RPTOR: variants seen among roughly 807,000 people sequenced by gnomAD.
RPTOR encodes regulatory-associated protein of mTOR.
Under a neutral mutation model 169.9 loss-of-function variants are expected in RPTOR, and 21 were observed. The ratio of observed to expected loss-of-function variants is 0.12; its 90% CI spans 0.09 to 0.18. The LOEUF (loss-of-function observed/expected upper bound fraction) is 0.18, where lower values mean the gene tolerates loss of function less well. RPTOR is among the 10% of genes least tolerant of loss of function. The pLI, the probability that RPTOR is intolerant of heterozygous loss-of-function variation, is 1.00. For missense variants in RPTOR, 1,133 were observed against 1,855.9 expected, an observed-to-expected ratio of 0.61 and a Z score of 7.16; for synonymous variants, 732 against 753.2, an observed-to-expected ratio of 0.97 and a Z score of 0.46.
intron 4 of RPTOR, among the ~76,000 whole-genome samples, chr17:80,728,738 CT>C (rs145409785): frequency 0.054 from 8,009 of 147,784 alleles, 273 homozygotes; most frequent in Non-Finnish European, 0.08. Flanking sequence ...TGCTCTTGTG[CT>C]TTTTTTTTTC....
chr17:80,716,817 G>A (rs1020836655), intron 4 of RPTOR, among the ~76,000 whole-genome samples: 2 of 152,164 alleles, frequency 1.3e-5, no homozygotes, highest in African/African-American at 2.4e-5. Flanking sequence ...ACCATTTGTT[G>A]TAAAGGGTGT....
chr17:80,555,688 A>G (rs2084399161), intron 1 of RPTOR, among the ~76,000 whole-genome samples: 3 of 152,252 alleles, frequency 2.0e-5, no homozygotes, highest in African/African-American at 7.2e-5. Flanking sequence ...AATATTAAAT[A>G]AGTAAATCAT....
intron 7 of RPTOR, among the ~76,000 whole-genome samples, chr17:80,793,841 G>T (rs1249005800): frequency 1.3e-5 from 2 of 152,236 alleles, no homozygotes; most frequent in African/African-American, 4.8e-5. Context: ...TTATTTTACT[G>T]AGAGAGAACC....
chr17:80,874,733 C>T (rs973032578), intron 13 of RPTOR, among the ~76,000 whole-genome samples: 13 of 152,276 alleles, frequency 8.5e-5, no homozygotes, highest in East Asian at 1.9e-4. Context: ...ATTGTGAAAA[C>T]GCTGCACATA....
intron 7 of RPTOR, among the ~76,000 whole-genome samples, chr17:80,813,645 T>G (rs1475247681): frequency 1.3e-5 from 2 of 152,206 alleles, no homozygotes; most frequent in Admixed American, 1.3e-4. Flanking sequence ...TCAAAAGAAT[T>G]ATTTCAAAAA....
At position 80,651,143 on chromosome 17, in the gene RPTOR, A is replaced by T. The variant is rs1161990539; in HGVS notation, c.348+7333A>T. Among the ~76,000 whole-genome samples the T allele has an allele frequency of 6.6e-6, 1 of 152,172 alleles. No homozygotes were observed. Among genetic ancestry groups the T allele is most frequent in the East Asian group, 1.9e-4 (1 of 5,192 alleles). ...AACTTGGGGACCGTGATACAGAGCG[A>T]TGCGGAGATGGCTCTGAAGGACAGG... is the stretch of plus-strand genomic sequence containing the variant. On this transcript the variant is annotated intron_variant, in intron 3 of 33. Coordinates refer to ENST00000306801, the MANE Select transcript of RPTOR (RefSeq NM_020761.3). The surrounding 1 kb of genome is among the most constrained non-coding windows in gnomAD (Gnocchi z 4.1).
rs1459519525 is a variant in RPTOR at position 80,708,214 on chromosome 17, A to AGTGTGGTGC, written c.507+223_507+231dup. 1.3e-5 allele frequency among the ~76,000 whole-genome samples: 2 copies of AGTGTGGTGC among 152,192 alleles called. No homozygotes were observed. The highest frequency in any genetic ancestry group is 2.4e-5 in the African/African-American group (1 of 41,454). ...CGTGTTCATGGAATGACTGCCTTGA[A>AGTGTGGTGC]GTGTGGTGCGTGTGGTTTATGTTCC... On this transcript the variant is annotated intron_variant, in intron 4 of 33. Transcript: ENST00000306801. This position sits in a 1 kb window ranked among gnomAD's most constrained non-coding sequence, Gnocchi z 4.2.
chr17:80,804,812 G>A (rs1598317341), intron 7 of RPTOR: 1 of 152,294 alleles, frequency 6.6e-6, no homozygotes, highest in Admixed American at 6.5e-5. Context: ...GCGATTCTGA[G>A]GAAAGTGGCA....
rs1202966892 is a variant in RPTOR, at chr17:80,883,954, C to T, written c.1824C>T (p.Leu608=). Residue 608 remains leucine, a synonymous_variant, in exon 16 of 34, where the codon CTC becomes CTT. Coordinates refer to ENST00000306801, the MANE Select transcript of RPTOR (RefSeq NM_020761.3). ...DSAHEKLYSL[L]SDPIPEVRCA... ...CTCATGAGAAGCTCTACAGCCTCCT[C>T]TCCGACCCCATTCCCGAGGTGAGTC... The T allele has an allele frequency of 6.2e-7, 1 of 1,610,982 alleles. No homozygotes were observed. The highest frequency in any genetic ancestry group is 1.1e-5 in the South Asian group (1 of 91,034).
intron 9 of RPTOR, among the ~76,000 whole-genome samples, chr17:80,829,684 G>A (rs1262333331): frequency 2.0e-5 from 3 of 152,168 alleles, no homozygotes; most frequent in South Asian, 2.1e-4. Flanking sequence ...CGGCGTCCAC[G>A]GCGACTTGTG....
chr17:80,684,899 A>C (rs1427382453), intron 3 of RPTOR, among the ~76,000 whole-genome samples: 4 of 152,172 alleles, frequency 2.6e-5, no homozygotes, highest in African/African-American at 9.7e-5. Flanking sequence ...GCTGTATGGC[A>C]CTTCATTACG....
At chr17:80,915,367 G>A (rs34645492) in intron 21 of RPTOR, among the ~76,000 whole-genome samples, 2,529 of 31,880 alleles carry the variant, frequency 0.079, 170 homozygotes, top group East Asian at 0.1. Context: ...TCTCCTCTCT[G>A]CTGAGAGCTG....
Position 80,609,744 on chromosome 17 carries a change from CAAA to C in RPTOR, c.163-15935_163-15933del. 8.6e-6 allele frequency among the ~76,000 whole-genome samples: 1 copy of C among 116,558 alleles called. No individual in the cohort carries two copies. Among genetic ancestry groups the C allele is most frequent in the South Asian group, 2.8e-4 (1 of 3,624 alleles). The allele number at this position is 116,558 out of a possible 152,430, so 76.5% of individuals were successfully genotyped here. ...TGGGCGACAGAGCGAGATTCTGTCT[CAAA>C]AAAAAAAAAAAGTTTAAGGTGTTGG... On this transcript the variant is annotated intron_variant, in intron 1 of 33. Transcript: ENST00000306801. The surrounding 1 kb of genome is among the most constrained non-coding windows in gnomAD (Gnocchi z 4.8).
intron 23 of RPTOR, 45 bp downstream of exon 23, chr17:80,923,718 G>C (rs1196059598): frequency 6.7e-7 from 1 of 1,503,176 alleles, no homozygotes; most frequent in Non-Finnish European, 8.9e-7. Context: ...TGAGAGCGTT[G>C]CTTCTCAGAT....
At chr17:80,736,057 A>G (rs2066430766) in intron 5 of RPTOR, among the ~76,000 whole-genome samples, 1 of 152,076 alleles carries the variant, frequency 6.6e-6, no homozygotes, top group Admixed American at 6.6e-5. Flanking sequence ...GTGTCATCCC[A>G]GCTACTCTGG....
intron 9 of RPTOR, among the ~76,000 whole-genome samples, chr17:80,834,742 G>A (rs2067545227): frequency 6.6e-6 from 1 of 152,200 alleles, no homozygotes; most frequent in South Asian, 2.1e-4. Context: ...CCAAGCGAGG[G>A]CCTTGGAGAA....
intron 24 of RPTOR, among the ~76,000 whole-genome samples, chr17:80,934,662 G>T (rs2068935180): frequency 6.6e-6 from 1 of 152,126 alleles, no homozygotes; most frequent in Non-Finnish European, 1.5e-5. Context: ...CCAAGAAAAT[G>T]AGTTTTTAAC....
chr17:80,952,344 G>A (rs564648376), intron 28 of RPTOR, among the ~76,000 whole-genome samples: 53 of 152,330 alleles, frequency 3.5e-4, no homozygotes, highest in African/African-American at 1.1e-3. Context: ...AGGTGCTCAC[G>A]GAGGGCCCAC....
chr17:80,753,675 G>A (rs1236029609), intron 5 of RPTOR, among the ~76,000 whole-genome samples: 11 of 147,896 alleles, frequency 7.4e-5, no homozygotes, highest in African/African-American at 2.0e-4. Context: ...AAAACAAACC[G>A]TAAGACACCA....
Sources: gnomAD v4.1 joint callset for allele counts (sites outside exome capture counted in the v4.1 genomes callset) on GRCh38, gnomAD v4.1.1 for gene constraint, Gnocchi (gnomAD v3.1) non-coding constraint, MANE v1.5 for transcripts, NCBI Gene and HGNC (gene_info 2026-07-23, HGNC 2026-07-21) for gene names.